Variants in BRME1 observed in about 807,000 individuals in gnomAD.
BRME1 encodes BRCA2 and MEILB2-associating protein 1.
Under a neutral mutation model 52.6 loss-of-function variants are expected in BRME1, and 31 were observed. The ratio of observed to expected loss-of-function variants is 0.59; its 90% CI spans 0.44 to 0.80. The LOEUF (loss-of-function observed/expected upper bound fraction) is 0.80. Ranked by LOEUF, BRME1 falls within the 30% of genes least tolerant of loss-of-function variation. The probability of loss-of-function intolerance (pLI) is 0.00; values close to 1 mark genes in which losing one functional copy is unlikely to be tolerated. For missense variants in BRME1, 804 were observed against 860.3 expected (o/e 0.93, Z 0.82); for synonymous variants, 359 against 353.6 (o/e 1.02, Z -0.17).
intron 2 of BRME1, 145 bp downstream of exon 2, chr19:13,904,717 G>T: frequency 1.2e-6 from 1 of 807,906 alleles, no homozygotes; most frequent in South Asian, 1.5e-5. Flanking sequence ...TGAGATTACA[G>T]GTGTGAGCCA....
At chr19:13,893,057 G>A in intron 4 of BRME1, 85 bp downstream of exon 4, 1 of 1,408,740 alleles carries the variant, frequency 7.1e-7, no homozygotes, top group Non-Finnish European at 9.8e-7. Context: ...GTGAGCAATT[G>A]GTGACAAAGA....
chr19:13,902,976 C>G (rs1380874008), intron 2 of BRME1, among the ~76,000 whole-genome samples: 2 of 150,572 alleles, frequency 1.3e-5, no homozygotes, highest in African/African-American at 2.4e-5. Context: ...AGAGTCCTGT[C>G]CTGTTTTTCA....
Position 13,901,481 on chromosome 19 carries a change from TTG to T in BRME1, c.31+3379_31+3380del, listed in dbSNP as rs576589689. ...TGGGAGGCTGAGGCAGGCGGATAAC[TTG>T]AAGTCAGGAGTTAGAGAGCAGCCTA... On this transcript the variant is annotated intron_variant, in intron 2 of 8. Coordinates refer to ENST00000586783, the MANE Select transcript of BRME1 (RefSeq NM_001345843.2). Among the ~76,000 whole-genome samples the T allele has an allele frequency of 4.9e-4, 74 of 151,920 alleles. No homozygotes were observed. The South Asian group carries it at 8.3e-3, about 17-fold the overall frequency.
intron 6 of BRME1, 57 bp from the exon 7 acceptor site, chr19:13,886,112 C>G (rs1436913215): frequency 5.5e-6 from 8 of 1,452,966 alleles, no homozygotes; most frequent in African/African-American, 1.4e-5. Context: ...AAGCTCTGCA[C>G]AGGGGAACCA....
In BRME1 at chr19:13,883,083, A is replaced by G. The variant is rs1030807710; in HGVS notation, c.1857-131T>C. On this transcript the variant is annotated intron_variant, in intron 8 of 8. Coordinates refer to ENST00000586783, the MANE Select transcript of BRME1 (RefSeq NM_001345843.2). The surrounding 1 kb of genome is among the most constrained non-coding windows in gnomAD (Gnocchi z 4.2). ...ACGGCTCACACACGTGCACATAACC[A>G]GAAAGGGCCTGTTGTAGCACAGGCT... The G allele has an allele frequency of 2.5e-5, 30 of 1,197,010 alleles. No individual in the cohort carries two copies. The highest frequency in any genetic ancestry group is 3.3e-5 in the Non-Finnish European group (28 of 860,416). The allele number at this position is 1,197,010 out of a possible 1,614,324, so 74.1% of individuals were successfully genotyped here.
Position 13,883,572 on chromosome 19 carries a change from C to T in BRME1, c.1764-172G>A. 1.7e-6 allele frequency: 1 copy of T among 584,370 alleles called. No homozygotes were observed. Among genetic ancestry groups the T allele is most frequent in the South Asian group, 2.0e-5 (1 of 49,052 alleles). 36.2% of individuals were successfully genotyped at this position (584,370 alleles called of 1,614,324 possible). The stretch of plus-strand genomic sequence containing the variant: ...CAACCCAGCTGGCTCCACTGCCCAG[C>T]AGGCCCAGAACCCAACCGCTTCTCC... On this transcript the variant is annotated intron_variant, in intron 7 of 8. Transcript: ENST00000586783. The surrounding 1 kb of genome is among the most constrained non-coding windows in gnomAD (Gnocchi z 4.2).
At chr19:13,896,406 AATT>A (rs1969901539) in intron 2 of BRME1, among the ~76,000 whole-genome samples, 1 of 147,140 alleles carries the variant, frequency 6.8e-6, no homozygotes, top group Admixed American at 6.9e-5. Flanking sequence ...ATATTATTTA[AATT>A]ATATATTTAT....
At chr19:13,892,195 T>G (rs1969551795) in intron 5 of BRME1, among the ~76,000 whole-genome samples, 1 of 152,210 alleles carries the variant, frequency 6.6e-6, no homozygotes, top group African/African-American at 2.4e-5. Flanking sequence ...TTGCCTAGTT[T>G]TGGTGATGGA....
rs764218976 is a variant in BRME1, at chr19:13,889,857, G to A, written c.999C>T (p.Ser333=). The A allele has an allele frequency of 1.5e-5, 24 of 1,613,252 alleles. No individual in the cohort carries two copies. In the South Asian group the frequency reaches 2.6e-4, roughly 18 times the overall value. Residue 333 remains serine, a synonymous_variant, in exon 6 of 9, where the codon TCC becomes TCT. Coordinates refer to ENST00000586783, the MANE Select transcript of BRME1 (RefSeq NM_001345843.2). ...GGTCTGCGATGACAACCATCCCGAGGGAGGAGCATCCCAGGCTGCTATGAG... is the reference window on the plus strand; with the variant it reads ...GGTCTGCGATGACAACCATCCCGAGAGAGGAGCATCCCAGGCTGCTATGAG... ...EGTHSSLGCS[S]LGMVVIADLS...
At chr19:13,901,452 T>C (rs964107387) in intron 2 of BRME1, among the ~76,000 whole-genome samples, 2 of 151,950 alleles carry the variant, frequency 1.3e-5, no homozygotes, top group Non-Finnish European at 2.9e-5. Flanking sequence ...ATGCCTGTAA[T>C]CTTTGGGAGG....
chr19:13,890,202 ATC>A lies in BRME1; in HGVS notation c.652_653del (p.Asp218Ter). ...CCCTGTCTGTCTCAGGCTTGCTGTC[ATC>A]GGCCCCTTGTTCTGACAGGTGGTCT... is the stretch of plus-strand genomic sequence containing the variant. ...SQDHLSEQGA[D>X]DSKPETDRVP... On this transcript the variant is annotated frameshift_variant, in exon 6 of 9. Transcript: ENST00000586783. LOFTEE classifies it high-confidence loss of function. 6.2e-7 allele frequency: 1 copy of A among 1,614,210 alleles called. No individual in the cohort carries two copies. Among genetic ancestry groups the A allele is most frequent in the Non-Finnish European group, 8.5e-7 (1 of 1,180,034 alleles).
chr19:13,887,988 G>A (rs1046888704), intron 6 of BRME1, among the ~76,000 whole-genome samples: 3 of 151,908 alleles, frequency 2.0e-5, no homozygotes, highest in Non-Finnish European at 4.4e-5. Flanking sequence ...GCAGTGGCGC[G>A]ATCTTGGCTC....
Position 13,885,997 on chromosome 19 carries a change from T to C in BRME1, c.1727A>G (p.Asn576Ser), listed in dbSNP as rs145452028. The change falls in exon 7 of 9, where the codon AAT becomes AGT. Residue 576 changes from asparagine to serine, a missense_variant. By Grantham distance (46) the Asn-to-Ser change is conservative. This residue lies in a region of BRME1 where 552 missense variants were observed against 561.1 expected (regional missense o/e 0.98). Coordinates refer to ENST00000586783, the MANE Select transcript of BRME1 (RefSeq NM_001345843.2). ...PCWPGPSSHA[N>S]GDPVAVAKAQ... is the part of the protein sequence containing the mutation. ...CTTGGCCACTGCAACAGGGTCTCCA[T>C]TGGCATGTGAGCTGGGGCCCGGCCA... The C allele has an allele frequency of 1.8e-5, 29 of 1,613,886 alleles. No homozygotes were observed. The highest frequency in any genetic ancestry group is 1.1e-4 in the African/African-American group (8 of 74,932).
rs1021243281 is a variant in BRME1, at chr19:13,883,538, C to G, written c.1764-138G>C. The G allele has an allele frequency of 3.1e-6, 2 of 655,392 alleles. No individual in the cohort carries two copies. The highest frequency in any genetic ancestry group is 5.3e-5 in the Admixed American group (2 of 38,018). 40.6% of individuals were successfully genotyped at this position (655,392 alleles called of 1,614,324 possible). ...TGTCCTCCTCTGTTCACGACAGAAC[C>G]CTGATGGCCAACCCAGCTGGCTCCA... On this transcript the variant is annotated intron_variant, in intron 7 of 8. Transcript: ENST00000586783. The surrounding 1 kb of genome is among the most constrained non-coding windows in gnomAD (Gnocchi z 4.2).
intron 2 of BRME1, among the ~76,000 whole-genome samples, chr19:13,902,637 AC>A (rs1023046166): frequency 6.7e-6 from 1 of 150,336 alleles, no homozygotes; most frequent in African/African-American, 2.5e-5. Context: ...AAAAACAAAA[AC>A]AAAAAAGTCT....
Position 13,883,075 on chromosome 19 carries a change from A to C in BRME1, c.1857-123T>G. 1 of 1,284,060 alleles carries C rather than the reference A, an allele frequency of 7.8e-7. No individual in the cohort carries two copies. The highest frequency in any genetic ancestry group is 1.1e-6 in the Non-Finnish European group (1 of 930,686). 79.5% of individuals were successfully genotyped at this position (1,284,060 alleles called of 1,614,324 possible). ...GCACACACACGGCTCACACACGTGC[A>C]CATAACCAGAAAGGGCCTGTTGTAG... On this transcript the variant is annotated intron_variant, in intron 8 of 8. Transcript: ENST00000586783. The surrounding 1 kb of genome is among the most constrained non-coding windows in gnomAD (Gnocchi z 4.2).
chr19:13,903,169 T>C (rs1028022084), intron 2 of BRME1, among the ~76,000 whole-genome samples: 2 of 152,188 alleles, frequency 1.3e-5, no homozygotes, highest in Non-Finnish European at 2.9e-5. Context: ...CAGTGTACAT[T>C]TGTGTACTAC....
Position 13,882,541 on chromosome 19 carries a change from C to G in BRME1, c.*261G>C, listed in dbSNP as rs568411254. The G allele has an allele frequency of 4.4e-5, 24 of 541,618 alleles. No homozygotes were observed. Among genetic ancestry groups the G allele is most frequent in the Admixed American group, 4.0e-4 (11 of 27,622 alleles). 33.6% of individuals were successfully genotyped at this position (541,618 alleles called of 1,614,324 possible). ...GGCCCTGCTCAGAGGTGGCCAGCTTCCTGGAGCCCAGGCCCGCTTGAAGTC... is the reference window on the plus strand; with the variant it reads ...GGCCCTGCTCAGAGGTGGCCAGCTTGCTGGAGCCCAGGCCCGCTTGAAGTC... On this transcript the variant is annotated 3_prime_UTR_variant, in exon 9 of 9. Transcript: ENST00000586783.
intron 3 of BRME1, 59 bp downstream of exon 3, chr19:13,895,313 C>G: frequency 6.6e-7 from 1 of 1,526,644 alleles, no homozygotes; most frequent in South Asian, 1.2e-5. Flanking sequence ...GTCTGCTGAG[C>G]TGCTGTGCTA....
Sources: allele counts gnomAD v4.1 joint callset (sites outside exome capture counted in the v4.1 genomes callset), GRCh38; gene constraint gnomAD v4.1.1; regional missense constraint gnomAD v4.1.1; non-coding constraint Gnocchi (gnomAD v3.1); transcripts MANE v1.5; gene names NCBI Gene and HGNC (gene_info 2026-07-23, HGNC 2026-07-21).